ASH2L: variants seen among roughly 807,000 people sequenced by gnomAD.
ASH2L encodes ASH2 like, histone lysine methyltransferase complex subunit.
A neutral mutation model predicts 81.1 loss-of-function variants in ASH2L; 30 were observed. That is an observed-to-expected ratio of 0.37 (90% CI 0.28 to 0.50). The LOEUF (loss-of-function observed/expected upper bound fraction) is 0.50, where lower values mean the gene tolerates loss of function less well. ASH2L is among the 20% of genes least tolerant of loss of function. ASH2L has a pLI of 0.95. For missense variants in ASH2L, 559 were observed against 792.1 expected (o/e 0.71, Z 3.53); for synonymous variants, 273 against 279.9 (o/e 0.98, Z 0.24).
At chr8:38,137,168 C>T (rs1475617382) in intron 14 of ASH2L, among the ~76,000 whole-genome samples, 32 of 151,498 alleles carry the variant, frequency 2.1e-4, no homozygotes, top group African/African-American at 6.5e-4. Flanking sequence ...GGTGGGAGGC[C>T]GAGGTGGGCA....
At chr8:38,109,157 C>T (rs1366252859) in intron 3 of ASH2L, among the ~76,000 whole-genome samples, 8 of 152,142 alleles carry the variant, frequency 5.3e-5, no homozygotes, top group African/African-American at 1.9e-4. Context: ...TGTGAGCTAG[C>T]AGGGTATAAA....
Position 38,105,734 on chromosome 8 carries a change from G to A in ASH2L, c.184G>A (p.Gly62Ser). The A allele has an allele frequency of 1.3e-6, 2 of 1,521,098 alleles. No individual in the cohort carries two copies. The highest frequency in any genetic ancestry group is 1.8e-6 in the Non-Finnish European group (2 of 1,137,428). 94.2% of individuals were successfully genotyped at this position (1,521,098 alleles called of 1,614,324 possible). ...TVEPSSGEAE[G>S]GEANLVDVSG... Reference sequence around the variant, plus strand: ...TGAGCCCAGTTCCGGGGAGGCTGAAGGCGGGTAAGAGGTCCTGCCGCCCGA... The same window carrying A: ...TGAGCCCAGTTCCGGGGAGGCTGAAAGCGGGTAAGAGGTCCTGCCGCCCGA... The change falls in exon 1 of 16, where the codon GGC becomes AGC. Residue 62 changes from glycine (G) to serine (S), a missense_variant. Around this residue, in one of 4 missense-constraint regions of ASH2L, gnomAD observed 145 missense variants for 115.5 expected, o/e 1.26. Coordinates refer to ENST00000343823, the MANE Select transcript of ASH2L (RefSeq NM_004674.5).
At chr8:38,123,646 A>G (rs1422072906) in intron 10 of ASH2L, among the ~76,000 whole-genome samples, 1 of 152,164 alleles carries the variant, frequency 6.6e-6, no homozygotes, top group African/African-American at 2.4e-5. Flanking sequence ...GTGAAACATT[A>G]CTATGGTTCT....
chr8:38,129,532 C>T (rs1265780532), intron 12 of ASH2L, among the ~76,000 whole-genome samples: 1 of 152,136 alleles, frequency 6.6e-6, no homozygotes, highest in Non-Finnish European at 1.5e-5. Flanking sequence ...AATCATTCAG[C>T]CCAGGAGTTC....
chr8:38,118,346 A>G (rs1009760861), intron 8 of ASH2L, among the ~76,000 whole-genome samples: 11 of 152,238 alleles, frequency 7.2e-5, no homozygotes, highest in African/African-American at 2.7e-4. Context: ...CCTGCAGTTC[A>G]GGGACATTTC....
At chr8:38,129,712 C>T (rs2130559447) in intron 12 of ASH2L, among the ~76,000 whole-genome samples, 1 of 152,276 alleles carries the variant, frequency 6.6e-6, no homozygotes, top group Non-Finnish European at 1.5e-5. Context: ...TAATTTGTAC[C>T]TCTTCTTGAA....
chr8:38,139,082 CTT>C lies in ASH2L; in HGVS notation c.*14_*15del. On this transcript the variant is annotated 3_prime_UTR_variant, in exon 16 of 16. Coordinates refer to ENST00000343823, the MANE Select transcript of ASH2L (RefSeq NM_004674.5). ...CCATGGGAACCCTGACCAGGTCCCTCTTTTCTGTCAAGGACTTTCTGGGAATA... is the reference window on the plus strand; with the variant it reads ...CCATGGGAACCCTGACCAGGTCCCTCTTCTGTCAAGGACTTTCTGGGAATA... The C allele has an allele frequency of 6.4e-7, 1 of 1,560,924 alleles. No homozygotes were observed. The highest frequency in any genetic ancestry group is 8.7e-7 in the Non-Finnish European group (1 of 1,150,092).
chr8:38,119,848 G>A (rs1405952300), intron 9 of ASH2L, among the ~76,000 whole-genome samples: 2 of 152,026 alleles, frequency 1.3e-5, no homozygotes, highest in Non-Finnish European at 2.9e-5. Context: ...GCCGGGCACG[G>A]TGGGTCATGC....
Position 38,135,639 on chromosome 8 carries a change from C to T in ASH2L, c.1621-29C>T, listed in dbSNP as rs1332240471. The stretch of plus-strand genomic sequence containing the variant: ...TTTTTGTTTGTTCTTTTTTACAGTT[C>T]TGAAGTAAAACCATGGTTTTTGTTT... On this transcript the variant is annotated intron_variant, in intron 13 of 15. Coordinates refer to ENST00000343823, the MANE Select transcript of ASH2L (RefSeq NM_004674.5). 7 of 1,515,760 alleles carry T rather than the reference C, an allele frequency of 4.6e-6. No homozygotes were observed. The South Asian group carries it at 5.7e-5, about 12-fold the overall frequency. The allele number at this position is 1,515,760 out of a possible 1,614,324, so 93.9% of individuals were successfully genotyped here.
intron 10 of ASH2L, chr8:38,122,539 T>C (rs893546724): frequency 3.9e-5 from 6 of 152,168 alleles, no homozygotes; most frequent in Non-Finnish European, 7.3e-5. Context: ...TTAGGTGTGC[T>C]GTTACTAGGC....
At chr8:38,109,206 A>G (rs1810580508) in intron 3 of ASH2L, among the ~76,000 whole-genome samples, 2 of 152,260 alleles carry the variant, frequency 1.3e-5, no homozygotes, top group Non-Finnish European at 2.9e-5. Context: ...TTAAATTAAA[A>G]TAACTATTTA....
At chr8:38,107,868 A>ATG (rs10542885) in intron 3 of ASH2L, among the ~76,000 whole-genome samples, 72,738 of 141,142 alleles carry the variant, frequency 0.52, 19,827 homozygotes, top group Non-Finnish European at 0.64. Flanking sequence ...AAATACATAT[A>ATG]TGTGTGTGTG....
chr8:38,138,468 T>C (rs1231926526), intron 14 of ASH2L: 3 of 219,714 alleles, frequency 1.4e-5, no homozygotes, highest in African/African-American at 7.0e-5. Flanking sequence ...TGTGGGGATA[T>C]TTAACGTTTT....
Position 38,105,598 on chromosome 8 carries a change from T to C in ASH2L, c.48T>C (p.Pro16=), listed in dbSNP as rs758553198. The change falls in exon 1 of 16, where the codon CCT becomes CCC. Residue 16 remains proline, a synonymous_variant. Coordinates refer to ENST00000343823, the MANE Select transcript of ASH2L (RefSeq NM_004674.5). The part of the protein sequence containing the change: ...AGPGQEAGAG[P]GPGAVANATG... ...CTGGCCAGGAAGCGGGTGCCGGGCC[T>C]GGCCCAGGAGCGGTCGCAAATGCAA... 2.5e-6 allele frequency: 4 copies of C among 1,598,908 alleles called. No individual in the cohort carries two copies. In the African/African-American group the frequency reaches 5.4e-5, roughly 22 times the overall value.
chr8:38,111,826 A>G (rs1305441736), intron 5 of ASH2L, among the ~76,000 whole-genome samples: 1 of 152,192 alleles, frequency 6.6e-6, no homozygotes. Context: ...CAGTGCCATA[A>G]TCATAATAAA....
Position 38,138,837 on chromosome 8 carries a change from T to A in ASH2L, c.1741T>A (p.Cys581Ser). Residue 581 changes from cysteine to serine, a missense_variant, in exon 15 of 16, where the codon TGC becomes AGC. Physicochemically the swap from Cys to Ser is moderately radical, Grantham distance 112. Around this residue, in one of 4 missense-constraint regions of ASH2L, gnomAD observed 95 missense variants for 130.7 expected, o/e 0.73. Coordinates refer to ENST00000343823, the MANE Select transcript of ASH2L (RefSeq NM_004674.5). ...SCTVSINFGPCFKYPPKDLTY... is the reference protein window; with the variant it reads ...SCTVSINFGPSFKYPPKDLTY... Reference sequence around the variant, plus strand: ...CCAGGTTTCCATTAACTTTGGACCATGCTTCAAGTATCCTCCGAAGGATCT... The same window carrying A: ...CCAGGTTTCCATTAACTTTGGACCAAGCTTCAAGTATCCTCCGAAGGATCT... 1 of 1,614,202 alleles carries A rather than the reference T, an allele frequency of 6.2e-7. No homozygotes were observed. Among genetic ancestry groups the A allele is most frequent in the East Asian group, 2.2e-5 (1 of 44,880 alleles).
At chr8:38,129,027 A>T (rs368859499) in intron 12 of ASH2L, 76 bp downstream of exon 12, 5 of 1,542,130 alleles carry the variant, frequency 3.2e-6, no homozygotes, top group Non-Finnish European at 4.3e-6. Context: ...GGCTTGTGTG[A>T]TCTCTTAGGA....
intron 5 of ASH2L, 23 bp downstream of exon 5, chr8:38,110,856 T>G: frequency 6.3e-7 from 1 of 1,588,838 alleles, no homozygotes; most frequent in Middle Eastern, 1.7e-4. Context: ...CTAATGTGAT[T>G]GCAGTTATAT....
chr8:38,128,632 G>T, intron 11 of ASH2L, 126 bp from the exon 12 acceptor site: 1 of 1,488,944 alleles, frequency 6.7e-7, no homozygotes. Flanking sequence ...TTGCTTGTGA[G>T]AAAGTTTTTA....
Sources: gnomAD v4.1 joint callset for allele counts (sites outside exome capture counted in the v4.1 genomes callset) on GRCh38, gnomAD v4.1.1 for gene constraint, gnomAD v4.1.1 regional missense constraint, MANE v1.5 for transcripts, NCBI Gene and HGNC (gene_info 2026-07-23, HGNC 2026-07-21) for gene names.